EVC: variants seen among roughly 807,000 people sequenced by gnomAD.
The protein encoded by EVC is evC complex member EVC.
EVC carries 116 observed loss-of-function variants against 118.9 expected under a neutral mutation model. The ratio of observed to expected loss-of-function variants is 0.98; its 90% CI spans 0.84 to 1.14. The LOEUF is 1.14. Ranked by LOEUF, EVC falls within the 50% of genes most tolerant of loss-of-function variation. The pLI is 0.00. For synonymous variants in EVC, 619 were observed against 534.7 expected (o/e 1.16, Z -2.18); for missense variants, 1,401 against 1,246.4 (o/e 1.12, Z -1.87).
At position 5,748,268 on chromosome 4, in the gene EVC, G is replaced by T. The variant is rs779915989; in HGVS notation, c.1060G>T (p.Glu354Ter). The T allele has an allele frequency of 8.1e-6, 13 of 1,613,988 alleles. No individual in the cohort carries two copies. Among genetic ancestry groups the T allele is most frequent in the Non-Finnish European group, 1.0e-5 (12 of 1,180,026 alleles). Residue 354 changes from glutamate (E) to a stop codon, truncating the protein, a stop_gained, in exon 8 of 21, where the codon GAA becomes TAA. Transcript: ENST00000264956. LOFTEE classifies it high-confidence loss of function. ...TCTGACGGAAAGAATGATTGCAGCC[G>T]AAGGGCTATTGTGCGATTCTCAGGA... Reference protein sequence around the residue: ...MTLTERMIAAEGLLCDSQELQ... With the variant: ...MTLTERMIAA
At position 5,804,785 on chromosome 4, in the gene EVC, G is replaced by C. The variant is rs115976359; in HGVS notation, c.2505G>C (p.Ser835=). The C allele has an allele frequency of 6.2e-7, 1 of 1,614,142 alleles. No homozygotes were observed. The highest frequency in any genetic ancestry group is 1.7e-5 in the Admixed American group (1 of 60,012). The stretch of plus-strand genomic sequence containing the variant: ...AAAAGCAAGAACTCAGCAACCCTTC[G>C]TCGGGCAGCAGGACGGCAGGTGGCG... ...LRKKQELSNP[S]SGSRTAGGAH... Residue 835 remains serine, a synonymous_variant, in exon 17 of 21, where the codon TCG becomes TCC. Transcript: ENST00000264956.
At position 5,775,595 on chromosome 4, in the gene EVC, G is replaced by A. The variant is rs7689236; in HGVS notation, c.1564-7957G>A. On this transcript the variant is annotated intron_variant, in intron 11 of 20. Transcript: ENST00000264956. ...AACTTGATATTTGAGAGATCCATCC[G>A]TGTGGTTGTATGTTGTAGTTCATTC... Among the ~76,000 whole-genome samples, 4 of 152,152 alleles carry A rather than the reference G, an allele frequency of 2.6e-5. 1 individual carries two copies. The South Asian group carries it at 6.2e-4, about 24-fold the overall frequency.
the EVC span, chr4:5,826,826 C>G: frequency 6.6e-6 from 1 of 152,622 alleles, no homozygotes; most frequent in South Asian, 2.1e-4. Flanking sequence ...TGACCCCCAG[C>G]TCTGGGCTCC....
intron 1 of EVC, among the ~76,000 whole-genome samples, chr4:5,712,454 G>A (rs906106378): frequency 6.6e-6 from 1 of 152,190 alleles, no homozygotes; most frequent in Admixed American, 6.5e-5. Flanking sequence ...GGCTGTGCAT[G>A]GCAACACCTG....
chr4:5,765,731 C>T (rs35439546), intron 11 of EVC, among the ~76,000 whole-genome samples: 50,400 of 130,292 alleles, frequency 0.39, 9,816 homozygotes, highest in East Asian at 0.43. Flanking sequence ...GCAACCCCTG[C>T]CTTTTTTTGT....
intron 11 of EVC, among the ~76,000 whole-genome samples, chr4:5,767,925 C>T (rs1733209090): frequency 6.6e-6 from 1 of 152,186 alleles, no homozygotes; most frequent in African/African-American, 2.4e-5. Context: ...TTGGCCCCTC[C>T]CCCCACCGGC....
chr4:5,807,380 AG>A (rs1232160933), intron 17 of EVC, among the ~76,000 whole-genome samples: 1 of 152,214 alleles, frequency 6.6e-6, no homozygotes, highest in East Asian at 1.9e-4. Flanking sequence ...AGGTAGGAGC[AG>A]GGTGGCATTT....
downstream of EVC, among the ~76,000 whole-genome samples, chr4:5,816,678 C>T (rs1282276147): frequency 1.4e-5 from 2 of 146,290 alleles, no homozygotes; most frequent in East Asian, 4.4e-4. Context: ...CTCTCCCTTC[C>T]CTCCCTCCCT....
chr4:5,777,912 T>C (rs532438493), intron 11 of EVC, among the ~76,000 whole-genome samples: 1 of 152,224 alleles, frequency 6.6e-6, no homozygotes, highest in Admixed American at 6.5e-5. Context: ...TATGGATACA[T>C]GTGACATGCT....
intron 12 of EVC, among the ~76,000 whole-genome samples, chr4:5,784,299 A>G (rs866745122): frequency 6.6e-6 from 1 of 152,142 alleles, no homozygotes; most frequent in South Asian, 2.1e-4. Context: ...AAGGGTTCTT[A>G]CAGGAGACAG....
intron 11 of EVC, among the ~76,000 whole-genome samples, chr4:5,778,298 T>TA (rs1330992623): frequency 6.6e-6 from 1 of 152,012 alleles, no homozygotes; most frequent in African/African-American, 2.4e-5. Context: ...GCAGTAAACA[T>TA]ACGTGTGCAT....
At chr4:5,827,907 A>G in the EVC span, 2 of 466,776 alleles carry the variant, frequency 4.3e-6, no homozygotes, top group South Asian at 9.1e-5. Context: ...TAAAGTTAGG[A>G]ATAGAGCCTG....
intron 12 of EVC, among the ~76,000 whole-genome samples, chr4:5,791,387 A>C (rs1425052830): frequency 1.3e-5 from 2 of 152,200 alleles, no homozygotes. Context: ...GAGGGAAATA[A>C]GAAATAATAT....
At chr4:5,821,650 C>T in the EVC span, 9 of 1,010,256 alleles carry the variant, frequency 8.9e-6, no homozygotes, top group East Asian at 2.1e-4. The surrounding 1 kb of genome is among the most constrained non-coding windows in gnomAD (Gnocchi z 4.4). Flanking sequence ...TCGACTTCCC[C>T]CTCCCTCCAT....
chr4:5,819,924 GGGA>G, the EVC span, among the ~76,000 whole-genome samples: 1 of 152,300 alleles, frequency 6.6e-6, no homozygotes, highest in African/African-American at 2.4e-5. Flanking sequence ...CGAGGAGCGG[GGGA>G]GGAGAAGGGT....
chr4:5,796,240 G>C (rs1305850070), intron 13 of EVC, among the ~76,000 whole-genome samples: 1 of 151,616 alleles, frequency 6.6e-6, no homozygotes, highest in Non-Finnish European at 1.5e-5. Context: ...TAGTGTAAAG[G>C]TTGTGTCTGA....
In EVC at chr4:5,738,755, C is replaced by T. The variant is rs1055385989; in HGVS notation, c.703-2961C>T. Among the ~76,000 whole-genome samples the T allele has an allele frequency of 9.2e-5, 14 of 151,978 alleles. 1 individual carries two copies. The highest frequency in any genetic ancestry group is 5.2e-4 in the Admixed American group (8 of 15,250). ...ACAATTTTTGCATTTTTAGTAGAGA[C>T]GGGGTTTCACCATGTTGGCCAGGAT... On this transcript the variant is annotated intron_variant, in intron 5 of 20. Transcript: ENST00000264956. The surrounding 1 kb of genome is among the most constrained non-coding windows in gnomAD (Gnocchi z 6.5).
chr4:5,734,752 A>G (rs923903589), intron 5 of EVC, among the ~76,000 whole-genome samples: 1 of 152,220 alleles, frequency 6.6e-6, no homozygotes, highest in Non-Finnish European at 1.5e-5. Flanking sequence ...AACGGGTGCC[A>G]ATGTTTGAAA....
intron 11 of EVC, among the ~76,000 whole-genome samples, chr4:5,774,399 C>T (rs1734424734): frequency 1.3e-5 from 2 of 151,978 alleles, no homozygotes; most frequent in African/African-American, 4.8e-5. Context: ...TACTAGCTAG[C>T]ATTTATTAAG....
Sources: allele counts gnomAD v4.1 joint callset (sites outside exome capture counted in the v4.1 genomes callset), GRCh38; gene constraint gnomAD v4.1.1; non-coding constraint Gnocchi (gnomAD v3.1); transcripts MANE v1.5; gene names NCBI Gene and HGNC (gene_info 2026-07-23, HGNC 2026-07-21).